SYNE1: variants seen among roughly 807,000 people sequenced by gnomAD.
SYNE1 encodes spectrin repeat containing nuclear envelope protein 1, also known as nesprin-1.
A neutral mutation model predicts 1,111.0 loss-of-function variants in SYNE1; 616 were observed. The observed-to-expected ratio is 0.55, with a 90% CI of 0.52 to 0.59. SYNE1 has a LOEUF of 0.59. Ranked by LOEUF, SYNE1 falls within the 20% of genes least tolerant of loss-of-function variation. The probability of loss-of-function intolerance (pLI) is 0.00; values close to 1 mark genes in which losing one functional copy is unlikely to be tolerated. For synonymous variants in SYNE1, 3,855 were observed against 3,825.8 expected, an observed-to-expected ratio of 1.01 and a Z score of -0.28; for missense variants, 10,006 against 10,417.0, an observed-to-expected ratio of 0.96 and a Z score of 1.72.
At chr6:152,385,914 T>G in intron 54 of SYNE1, 76 bp from the exon 55 acceptor site, 2 of 1,396,986 alleles carry the variant, frequency 1.4e-6, no homozygotes, top group Non-Finnish European at 2.0e-6. Context: ...ACAGGCCTGA[T>G]AGAGGTCTCT....
chr6:152,558,482 G>A (rs1460504108), intron 3 of SYNE1, among the ~76,000 whole-genome samples: 3 of 152,178 alleles, frequency 2.0e-5, no homozygotes, highest in South Asian at 2.1e-4. Flanking sequence ...TAGTCTGAAA[G>A]TAAAGTTATG....
At chr6:152,293,905 T>C (rs1178776628) in intron 94 of SYNE1, 55 bp downstream of exon 94, 2 of 1,612,472 alleles carry the variant, frequency 1.2e-6, no homozygotes, top group Non-Finnish European at 1.7e-6. Context: ...CATAAGACAA[T>C]CGCTAAGGTT....
At chr6:152,481,262 C>T in intron 14 of SYNE1, 1 of 224,074 alleles carries the variant, frequency 4.5e-6, no homozygotes, top group African/African-American at 2.3e-5. Flanking sequence ...GGAGGCACCA[C>T]AAACGCCTGG....
chr6:152,324,737 C>A (rs1483439057), intron 81 of SYNE1, among the ~76,000 whole-genome samples: 2 of 151,038 alleles, frequency 1.3e-5, no homozygotes, highest in Non-Finnish European at 3.0e-5. Flanking sequence ...GGAGGCGGAG[C>A]TTGCAGTGAG....
intron 97 of SYNE1, among the ~76,000 whole-genome samples, chr6:152,279,068 G>A (rs989442427): frequency 2.0e-5 from 3 of 151,390 alleles, no homozygotes; most frequent in Non-Finnish European, 4.4e-5. Context: ...ACTGTGTCTG[G>A]TGACTTTTAA....
intron 74 of SYNE1, among the ~76,000 whole-genome samples, chr6:152,343,597 C>T (rs775385143): frequency 1.2e-4 from 18 of 151,310 alleles, no homozygotes; most frequent in African/African-American, 3.2e-4. Context: ...GGCATGATCT[C>T]GGCTCACTGC....
At chr6:152,188,371 C>T (rs1007602193) in intron 128 of SYNE1, among the ~76,000 whole-genome samples, 12 of 152,144 alleles carry the variant, frequency 7.9e-5, no homozygotes, top group African/African-American at 2.9e-4. Flanking sequence ...GCTGCCTTTC[C>T]ACCAATCTTT....
chr6:152,465,163 G>A, intron 18 of SYNE1, 95 bp downstream of exon 18: 1 of 1,383,744 alleles, frequency 7.2e-7, no homozygotes, highest in Non-Finnish European at 1.0e-6. Flanking sequence ...AGTGACACTT[G>A]TAAATATATG....
rs577174188 is a variant in SYNE1, at chr6:152,312,874, G to A, written c.16711-2001C>T. ...CCCGACCTTAGCGTTACCGGAAAAA[G>A]GTCCCAATCCAGACCTCAAAAGCGG... On this transcript the variant is annotated intron_variant, in intron 87 of 145. Transcript: ENST00000367255. Among the ~76,000 whole-genome samples, 126 of 152,150 alleles carry A rather than the reference G, an allele frequency of 8.3e-4. 1 individual carries two copies. The highest frequency in any genetic ancestry group is 2.9e-3 in the African/African-American group (121 of 41,492).
In SYNE1 at chr6:152,210,269, A is replaced by C. The variant is rs141336549; in HGVS notation, c.22589+1225T>G. Among the ~76,000 whole-genome samples the C allele has an allele frequency of 4.6e-5, 7 of 152,282 alleles. No homozygotes were observed. The East Asian group carries it at 1.4e-3, about 29-fold the overall frequency. ...CTTTGGTGTATTTTCCCTAAATGTT[A>C]GTATTGAAAAGTTAATAGATGCTGG... is the stretch of plus-strand genomic sequence containing the variant. On this transcript the variant is annotated intron_variant, in intron 124 of 145. Coordinates refer to ENST00000367255, the MANE Select transcript of SYNE1 (RefSeq NM_182961.4).
chr6:152,505,174 A>G (rs761299070), intron 9 of SYNE1, 27 bp downstream of exon 9: 5 of 1,611,794 alleles, frequency 3.1e-6, no homozygotes, highest in Non-Finnish European at 4.2e-6. Context: ...GTTAAGGTAT[A>G]TAACAGTCAA....
intron 3 of SYNE1, among the ~76,000 whole-genome samples, chr6:152,558,989 TTTA>T: frequency 1.4e-5 from 2 of 141,200 alleles, no homozygotes; most frequent in Admixed American, 6.9e-5. Flanking sequence ...TATTTATTTA[TTTA>T]TTTATTTATT....
At chr6:152,526,055 T>C in intron 5 of SYNE1, 25 bp downstream of exon 5, 1 of 1,603,614 alleles carries the variant, frequency 6.2e-7, no homozygotes, top group Non-Finnish European at 8.5e-7. Flanking sequence ...ATTTGACAAG[T>C]ATGATCACAC....
chr6:152,363,762 G>C, intron 63 of SYNE1: 1 of 455,410 alleles, frequency 2.2e-6, no homozygotes, highest in South Asian at 1.6e-5. Flanking sequence ...TATAGGCACA[G>C]GGGAGCCTCA....
intron 98 of SYNE1, 48 bp from the exon 99 acceptor site, chr6:152,269,334 C>G (rs543052151): frequency 1.2e-6 from 2 of 1,613,020 alleles, no homozygotes; most frequent in African/African-American, 2.7e-5. Flanking sequence ...ACCGGAAAAC[C>G]TTAACCAAAG....
chr6:152,133,191 TAA>T, intron 143 of SYNE1, 83 bp downstream of exon 143: 1 of 1,264,212 alleles, frequency 7.9e-7, no homozygotes, highest in Non-Finnish European at 1.2e-6. Flanking sequence ...GTACTATATT[TAA>T]AGTCTTTCTA....
At chr6:152,477,106 A>G (rs2098839442) in intron 14 of SYNE1, among the ~76,000 whole-genome samples, 2 of 152,202 alleles carry the variant, frequency 1.3e-5, no homozygotes, top group African/African-American at 4.8e-5. Context: ...CATTTTTAGA[A>G]AGTATGCATT....
In SYNE1 at chr6:152,352,131, T is replaced by C. The variant is rs1291513530; in HGVS notation, c.11476A>G (p.Lys3826Glu). The change falls in exon 70 of 146, where the codon AAA (lysine) becomes GAA (glutamate). Residue 3826 changes from lysine (K) to glutamate (E), a missense_variant. By Grantham distance (56) the Lys-to-Glu change is moderately conservative. Coordinates refer to ENST00000367255, the MANE Select transcript of SYNE1 (RefSeq NM_182961.4). ...HLAKEFSDKC[K>E]ALTQWIAEYQ... The stretch of plus-strand genomic sequence containing the variant: ...TCTGCTATCCACTGTGTCAGTGCTT[T>C]GCATTTATCTGAGAATTCCTTTGCT... 2 of 1,614,244 alleles carry C rather than the reference T, an allele frequency of 1.2e-6. No homozygotes were observed. The highest frequency in any genetic ancestry group is 8.5e-7 in the Non-Finnish European group (1 of 1,180,046).
In SYNE1 at chr6:152,350,497, A is replaced by G. The variant is rs546057396; in HGVS notation, c.11733+121T>C. 15 of 1,483,754 alleles carry G rather than the reference A, an allele frequency of 1.0e-5. No individual in the cohort carries two copies. The African/African-American group carries it at 1.4e-4, about 14-fold the overall frequency. 91.9% of individuals were successfully genotyped at this position (1,483,754 alleles called of 1,614,324 possible). A position where few individuals can be genotyped will look rare whatever the true frequency, so the allele number is the denominator to read the frequency against. On this transcript the variant is annotated intron_variant, in intron 71 of 145. Transcript: ENST00000367255. ...TAGTCATTATGCCAATTAAATATCCATCTGAATAAAAAAAAATACTAACCC... is the reference window on the plus strand; with the variant it reads ...TAGTCATTATGCCAATTAAATATCCGTCTGAATAAAAAAAAATACTAACCC...
Sources: gnomAD v4.1 joint callset for allele counts (sites outside exome capture counted in the v4.1 genomes callset) on GRCh38, gnomAD v4.1.1 for gene constraint, MANE v1.5 for transcripts, NCBI Gene and HGNC (gene_info 2026-07-23, HGNC 2026-07-21) for gene names.